Variants in CADPS2 observed in about 807,000 individuals in gnomAD.
CADPS2 encodes calcium-dependent secretion activator 2.
In CADPS2, 93 loss-of-function variants were observed where a neutral mutation model predicts 172.5. The ratio of observed to expected loss-of-function variants is 0.54; its 90% CI spans 0.46 to 0.64. The LOEUF (loss-of-function observed/expected upper bound fraction) is 0.64, where lower values mean the gene tolerates loss of function less well. Ranked by LOEUF, CADPS2 falls within the 30% of genes least tolerant of loss-of-function variation. The pLI is 0.00. For missense variants in CADPS2, 1,420 were observed against 1,565.9 expected (o/e 0.91, Z 1.57); for synonymous variants, 546 against 555.2 (o/e 0.98, Z 0.23).
At chr7:122,715,100 T>C (rs538192918) in intron 2 of CADPS2, among the ~76,000 whole-genome samples, 2 of 152,162 alleles carry the variant, frequency 1.3e-5, no homozygotes, top group Non-Finnish European at 2.9e-5. Context: ...ATTCCGTTTA[T>C]GGCAATTTGA....
rs1563373651 is a variant in CADPS2 at position 122,451,283 on chromosome 7, T to C, written c.2288+91A>G. On this transcript the variant is annotated intron_variant, in intron 15 of 29. Coordinates refer to ENST00000449022, the MANE Select transcript of CADPS2 (RefSeq NM_017954.11). Reference sequence around the variant, plus strand: ...GAGGGCTACTGATGATCTTGAGCGCTAGTAGAATGATATAATAAACAATTT... The same window carrying C: ...GAGGGCTACTGATGATCTTGAGCGCCAGTAGAATGATATAATAAACAATTT... 7.2e-6 allele frequency: 4 copies of C among 555,430 alleles called. No individual in the cohort carries two copies. The East Asian group carries it at 1.4e-4, about 19-fold the overall frequency. 34.4% of individuals were successfully genotyped at this position (555,430 alleles called of 1,614,324 possible).
At chr7:122,809,511 C>G (rs558204262) in intron 1 of CADPS2, among the ~76,000 whole-genome samples, 5 of 150,240 alleles carry the variant, frequency 3.3e-5, no homozygotes, top group African/African-American at 1.2e-4. Context: ...ACCCGGGAAG[C>G]AGACGTTGCA....
chr7:122,576,298 C>T (rs539649632), intron 7 of CADPS2, among the ~76,000 whole-genome samples: 1 of 152,240 alleles, frequency 6.6e-6, no homozygotes, highest in South Asian at 2.1e-4. Flanking sequence ...CACATGACAT[C>T]AGTGGTAGTG....
intron 17 of CADPS2, among the ~76,000 whole-genome samples, chr7:122,431,603 C>G (rs1237259466): frequency 6.6e-6 from 1 of 152,126 alleles, no homozygotes; most frequent in East Asian, 1.9e-4. Flanking sequence ...GGGCTCTGAA[C>G]CTCCCACTTA....
Position 122,451,390 on chromosome 7 carries a change from G to T in CADPS2, c.2272C>A (p.Gln758Lys). ...KERLSSLLEN[Q>K]ISHFRYCFPF... ...AATATATACCTGAAATGGCTTATCT[G>T]ATTTTCTAAAAGGGAAGAGAGTCTC... is the stretch of plus-strand genomic sequence containing the variant. The change falls in exon 15 of 30, where the codon CAG becomes AAG. Residue 758 changes from glutamine (Q) to lysine (K), a missense_variant. Coordinates refer to ENST00000449022, the MANE Select transcript of CADPS2 (RefSeq NM_017954.11). The T allele has an allele frequency of 1.3e-6, 2 of 1,521,692 alleles. No homozygotes were observed. The highest frequency in any genetic ancestry group is 1.3e-5 in the South Asian group (1 of 75,428). The allele number at this position is 1,521,692 out of a possible 1,614,324, so 94.3% of individuals were successfully genotyped here.
intron 28 of CADPS2, among the ~76,000 whole-genome samples, chr7:122,330,049 G>A (rs1585046960): frequency 1.3e-5 from 2 of 152,114 alleles, no homozygotes; most frequent in East Asian, 3.8e-4. Context: ...TGTCTCAATA[G>A]GTGACAAAGA....
chr7:122,491,417 T>C lies in CADPS2; in HGVS notation c.1546A>G (p.Ser516Gly), dbSNP rs1398793782. The C allele has an allele frequency of 6.3e-7, 1 of 1,576,054 alleles. No homozygotes were observed. Among genetic ancestry groups the C allele is most frequent in the Non-Finnish European group, 8.6e-7 (1 of 1,161,798 alleles). ...KKRYFVLVQVSQYTFAMCSYR... is the reference protein window; with the variant it reads ...KKRYFVLVQVGQYTFAMCSYR... The stretch of plus-strand genomic sequence containing the variant: ...CTGCACATAGCAAAGGTATATTGGC[T>C]AACCTGCTCGAGAAAAAAAAAGTTT... The change falls in exon 10 of 30, where the codon AGC becomes GGC. Residue 516 changes from serine (S) to glycine (G), a missense_variant. Coordinates refer to ENST00000449022, the MANE Select transcript of CADPS2 (RefSeq NM_017954.11).
intron 1 of CADPS2, among the ~76,000 whole-genome samples, chr7:122,878,313 A>C (rs970465048): frequency 2.0e-5 from 3 of 151,568 alleles, no homozygotes; most frequent in African/African-American, 4.8e-5. Context: ...CAAGTAAAAA[A>C]TTTCTGACAC....
At chr7:122,559,575 G>A (rs1434522355) in intron 7 of CADPS2, among the ~76,000 whole-genome samples, 6 of 151,958 alleles carry the variant, frequency 3.9e-5, no homozygotes, top group Non-Finnish European at 7.4e-5. Flanking sequence ...TTTGAGACCA[G>A]CCTGACCAAC....
intron 9 of CADPS2, among the ~76,000 whole-genome samples, chr7:122,499,490 T>C (rs1462700091): frequency 6.6e-6 from 1 of 152,216 alleles, no homozygotes; most frequent in Non-Finnish European, 1.5e-5. Context: ...CACTATATTT[T>C]ATTCGGCATT....
In CADPS2 at chr7:122,621,693, C is replaced by G. The variant is rs17144625; in HGVS notation, c.892G>C (p.Ala298Pro). 5.7e-6 allele frequency: 9 copies of G among 1,587,770 alleles called. No homozygotes were observed. Among genetic ancestry groups the G allele is most frequent in the Non-Finnish European group, 6.8e-6 (8 of 1,169,238 alleles). ...ATATACATATTCTCCATATCTTTTG[C>G]TATAAATTTGGGGAATTTTCTTTCC... is the stretch of plus-strand genomic sequence containing the variant. ...AKERKFPKFIAKDMENMYIEE... is the reference protein window; with the variant it reads ...AKERKFPKFIPKDMENMYIEE... The change falls in exon 5 of 30, where the codon GCA becomes CCA. Residue 298 changes from alanine to proline, a missense_variant. Coordinates refer to ENST00000449022, the MANE Select transcript of CADPS2 (RefSeq NM_017954.11).
In CADPS2 at chr7:122,554,640, C is replaced by A. The variant is rs775661950; in HGVS notation, c.1385G>T (p.Arg462Leu). The change falls in exon 8 of 30, where the codon CGA (arginine) becomes CTA (leucine). Residue 462 changes from arginine to leucine, a missense_variant. Physicochemically the swap from Arg to Leu is moderately radical, Grantham distance 102. Coordinates refer to ENST00000449022, the MANE Select transcript of CADPS2 (RefSeq NM_017954.11). Reference sequence around the variant, plus strand: ...CTGGCTATTTTTTGGAACTACCATTCGGTGTAATTCAGCTGATTTGGAGCT... The same window carrying A: ...CTGGCTATTTTTTGGAACTACCATTAGGTGTAATTCAGCTGATTTGGAGCT... The part of the protein sequence containing the change: ...SNSSKSAELH[R>L]MVVPKNSQDS... 45 of 1,610,770 alleles carry A rather than the reference C, an allele frequency of 2.8e-5. No individual in the cohort carries two copies. The highest frequency in any genetic ancestry group is 3.7e-5 in the Non-Finnish European group (44 of 1,178,344).
At chr7:122,491,769 T>C (rs529046580) in intron 9 of CADPS2, among the ~76,000 whole-genome samples, 48 of 152,312 alleles carry the variant, frequency 3.2e-4, no homozygotes, top group African/African-American at 1.0e-3. Flanking sequence ...CTTCATGGTT[T>C]CTTACAGCTT....
Position 122,634,549 on chromosome 7 carries a change from T to C in CADPS2, c.787-5221A>G, listed in dbSNP as rs866298905. 2.6e-5 allele frequency among the ~76,000 whole-genome samples: 4 copies of C among 152,320 alleles called. 1 individual carries two copies. The highest frequency in any genetic ancestry group is 1.5e-5 in the Non-Finnish European group (1 of 68,018). ...TCTTTGTCATTTCTGGTTACACTTG[T>C]ACGTATCCTTCTTTGTTAATCTAGC... On this transcript the variant is annotated intron_variant, in intron 3 of 29. Transcript: ENST00000449022.
chr7:122,541,877 TTA>T (rs1188868860), intron 8 of CADPS2, among the ~76,000 whole-genome samples: 156 of 131,888 alleles, frequency 1.2e-3, no homozygotes, highest in Middle Eastern at 4.0e-3. Context: ...GCATATATAT[TTA>T]TATATATTCA....
chr7:122,774,011 T>G (rs1167597569), intron 1 of CADPS2, among the ~76,000 whole-genome samples: 1 of 151,894 alleles, frequency 6.6e-6, no homozygotes, highest in Admixed American at 6.6e-5. Flanking sequence ...ATTAATAGGC[T>G]ACAAAAAAAT....
intron 1 of CADPS2, among the ~76,000 whole-genome samples, chr7:122,869,567 CA>C (rs150763303): frequency 1.1e-4 from 16 of 144,404 alleles, no homozygotes; most frequent in South Asian, 8.8e-4. Context: ...ACCTGCTTTA[CA>C]AAAAAAAAAT....
In CADPS2 at chr7:122,717,083, G is replaced by A. The variant is rs936506993; in HGVS notation, c.453+19872C>T. ...AAAACAAAGACTCCTTTTGTTGTGT[G>A]AATACTTCCTAATATATTTTTGATA... On this transcript the variant is annotated intron_variant, in intron 2 of 29. Coordinates refer to ENST00000449022, the MANE Select transcript of CADPS2 (RefSeq NM_017954.11). 1.3e-5 allele frequency among the ~76,000 whole-genome samples: 2 copies of A among 152,260 alleles called. 1 individual carries two copies. Among genetic ancestry groups the A allele is most frequent in the South Asian group, 4.1e-4 (2 of 4,824 alleles).
intron 1 of CADPS2, among the ~76,000 whole-genome samples, chr7:122,858,756 A>G (rs1158348684): frequency 6.6e-6 from 1 of 152,242 alleles, no homozygotes; most frequent in African/African-American, 2.4e-5. Context: ...CTGTGTGGCC[A>G]CTGGACATCA....
Sources: gnomAD v4.1 joint callset for allele counts (sites outside exome capture counted in the v4.1 genomes callset) on GRCh38, gnomAD v4.1.1 for gene constraint, MANE v1.5 for transcripts, NCBI Gene and HGNC (gene_info 2026-07-23, HGNC 2026-07-21) for gene names.